Variants in MAGI2 observed in about 807,000 individuals in gnomAD.
MAGI2 encodes membrane-associated guanylate kinase, WW and PDZ domain-containing protein 2.
In MAGI2, 35 loss-of-function variants were observed where a neutral mutation model predicts 133.3. That is an observed-to-expected ratio of 0.26 (90% CI 0.20 to 0.35). The LOEUF is 0.35. Ranked by LOEUF, MAGI2 falls within the 10% of genes least tolerant of loss-of-function variation. The pLI, the probability that MAGI2 is intolerant of heterozygous loss-of-function variation, is 1.00. For missense variants in MAGI2, 1,636 were observed against 1,863.4 expected (o/e 0.88, Z 2.25); for synonymous variants, 729 against 710.6 (o/e 1.03, Z -0.41).
chr7:78,855,686 G>A (rs1475828306), intron 2 of MAGI2, among the ~76,000 whole-genome samples: 1 of 152,132 alleles, frequency 6.6e-6, no homozygotes, highest in Admixed American at 6.5e-5. Context: ...CCAAGTCTTT[G>A]CTATTGTGAA....
intron 2 of MAGI2, among the ~76,000 whole-genome samples, chr7:78,994,067 C>T (rs1012880510): frequency 6.6e-6 from 1 of 152,010 alleles, no homozygotes; most frequent in African/African-American, 2.4e-5. Flanking sequence ...AGGGATCCAG[C>T]TTGTAAGTTT....
intron 2 of MAGI2, among the ~76,000 whole-genome samples, chr7:78,774,546 G>C (rs1825834482): frequency 6.6e-6 from 1 of 152,092 alleles, no homozygotes; most frequent in Admixed American, 6.5e-5. Flanking sequence ...GTCATCTCCA[G>C]GGCCATGTTG....
intron 6 of MAGI2, among the ~76,000 whole-genome samples, chr7:78,415,962 C>T (rs1013047948): frequency 1.3e-5 from 2 of 151,922 alleles, no homozygotes; most frequent in Non-Finnish European, 2.9e-5. Flanking sequence ...TTCTGGGAGG[C>T]AAATCTATTG....
intron 1 of MAGI2, among the ~76,000 whole-genome samples, chr7:79,083,945 C>A (rs189991036): frequency 4.4e-4 from 66 of 151,694 alleles, no homozygotes; most frequent in Non-Finnish European, 7.7e-4. Flanking sequence ...TTATATAATT[C>A]ATTAACACAC....
intron 6 of MAGI2, among the ~76,000 whole-genome samples, chr7:78,373,590 C>G (rs367744168): frequency 6.6e-6 from 1 of 151,922 alleles, no homozygotes; most frequent in East Asian, 1.9e-4. Flanking sequence ...TTTTAAAAAC[C>G]TTTTCTTTCC....
At chr7:78,525,546 T>C (rs1208718117) in intron 3 of MAGI2, among the ~76,000 whole-genome samples, 1 of 152,170 alleles carries the variant, frequency 6.6e-6, no homozygotes, top group Non-Finnish European at 1.5e-5. Context: ...GAAAAATTGT[T>C]CCCTAAGGAT....
intron 2 of MAGI2, among the ~76,000 whole-genome samples, chr7:78,832,321 A>G (rs112265522): frequency 6.6e-6 from 1 of 152,212 alleles, no homozygotes; most frequent in African/African-American, 2.4e-5. Flanking sequence ...TATTCATTGA[A>G]TACATGACAT....
chr7:78,441,654 G>GA (rs5885063), intron 6 of MAGI2, among the ~76,000 whole-genome samples: 136,707 of 146,664 alleles, frequency 0.93, 63,937 homozygotes, highest in East Asian at 0.98. Flanking sequence ...TAATTTTAAG[G>GA]AAAAAAAAAA....
chr7:78,604,515 C>A (rs1416401963), intron 3 of MAGI2, among the ~76,000 whole-genome samples: 1 of 152,188 alleles, frequency 6.6e-6, no homozygotes, highest in Non-Finnish European at 1.5e-5. Context: ...GAAATTCATT[C>A]ACTAAGCAAA....
intron 2 of MAGI2, among the ~76,000 whole-genome samples, chr7:78,721,276 T>C (rs552304980): frequency 1.6e-4 from 25 of 152,114 alleles, no homozygotes; most frequent in East Asian, 7.7e-4. Context: ...ACTGTATATG[T>C]ATGTATATGC....
At chr7:78,927,196 T>C (rs1329465045) in intron 2 of MAGI2, among the ~76,000 whole-genome samples, 1 of 151,970 alleles carries the variant, frequency 6.6e-6, no homozygotes, top group East Asian at 1.9e-4. Flanking sequence ...TCCCAGAAAA[T>C]AGCTATGTAG....
intron 1 of MAGI2, among the ~76,000 whole-genome samples, chr7:79,391,114 G>T (rs73706424): frequency 0.021 from 3,217 of 152,184 alleles, 99 homozygotes; most frequent in African/African-American, 0.075. Flanking sequence ...AAAGAACTTT[G>T]AGAAATTTCA....
At chr7:78,212,058 TGTAA>T (rs1787815276) in intron 10 of MAGI2, among the ~76,000 whole-genome samples, 1 of 152,246 alleles carries the variant, frequency 6.6e-6, no homozygotes, top group Non-Finnish European at 1.5e-5. Flanking sequence ...TGCATTTTCC[TGTAA>T]GTATTTATAC....
chr7:78,322,875 G>A (rs1788155790), intron 9 of MAGI2, among the ~76,000 whole-genome samples: 1 of 151,988 alleles, frequency 6.6e-6, no homozygotes, highest in Admixed American at 6.6e-5. Flanking sequence ...TCGACCCTAA[G>A]GAAATATATA....
intron 21 of MAGI2, among the ~76,000 whole-genome samples, chr7:78,041,023 A>G (rs556769460): frequency 5.3e-5 from 8 of 152,272 alleles, no homozygotes; most frequent in African/African-American, 1.9e-4. Flanking sequence ...TGATGGGGAA[A>G]GATTGAAACT....
At chr7:79,034,213 G>GT (rs34841147) in intron 1 of MAGI2, among the ~76,000 whole-genome samples, 207 of 151,748 alleles carry the variant, frequency 1.4e-3, no homozygotes, top group African/African-American at 4.2e-3. Context: ...ATAAATGTTG[G>GT]TTTTTTTTAC....
At chr7:78,108,154 A>G (rs10278875) in intron 20 of MAGI2, among the ~76,000 whole-genome samples, 8,516 of 152,086 alleles carry the variant, frequency 0.056, 477 homozygotes, top group African/African-American at 0.14. Context: ...TGTATCTCAT[A>G]GGTTTTAGAA....
Position 78,127,380 on chromosome 7 carries a change from T to C in MAGI2, c.3240A>G (p.Lys1080=). ...TGAATGGAGGCTGTCGGATGTCTGG[T>C]TTCACATCTTGCCTTGCTTTCACTT... ...RSEVKARQDV[K]PDIRQPPFTD... is the part of the protein sequence containing the mutation. The change falls in exon 19 of 22, where the codon AAA becomes AAG. Residue 1080 remains lysine, a synonymous_variant. Transcript: ENST00000354212. 5.0e-6 allele frequency: 8 copies of C among 1,606,826 alleles called. No homozygotes were observed. Among genetic ancestry groups the C allele is most frequent in the Non-Finnish European group, 6.8e-6 (8 of 1,179,924 alleles).
intron 2 of MAGI2, among the ~76,000 whole-genome samples, chr7:78,810,881 T>C (rs1189662503): frequency 6.6e-6 from 1 of 152,094 alleles, no homozygotes; most frequent in Non-Finnish European, 1.5e-5. Flanking sequence ...TAATAATAAC[T>C]GACATGAGCT....
Sources: gnomAD v4.1 joint callset for allele counts (sites outside exome capture counted in the v4.1 genomes callset) on GRCh38, gnomAD v4.1.1 for gene constraint, MANE v1.5 for transcripts, NCBI Gene and HGNC (gene_info 2026-07-23, HGNC 2026-07-21) for gene names.